CFAP206: variants seen among roughly 807,000 people sequenced by gnomAD.
The protein encoded by CFAP206 is cilia and flagella associated protein 206.
CFAP206 carries 53 observed loss-of-function variants against 65.4 expected under a neutral mutation model. The observed-to-expected ratio is 0.81, with a 90% CI of 0.65 to 1.02. The LOEUF (loss-of-function observed/expected upper bound fraction) is 1.02, where lower values mean the gene tolerates loss of function less well. Among genes scored for constraint, CFAP206 ranks in the 50% least tolerant of loss-of-function variants. CFAP206 has a pLI of 0.00. For missense variants in CFAP206, 663 were observed against 753.2 expected, an observed-to-expected ratio of 0.88 and a Z score of 1.40; for synonymous variants, 250 against 254.4, an observed-to-expected ratio of 0.98 and a Z score of 0.17.
chr6:87,445,116 ACTTT>A, intron 11 of CFAP206: 1 of 428,720 alleles, frequency 2.3e-6, no homozygotes. Flanking sequence ...AGTGGCAGCC[ACTTT>A]CTTATCATTT....
intron 4 of CFAP206, among the ~76,000 whole-genome samples, chr6:87,415,252 C>T (rs1767805201): frequency 6.6e-6 from 1 of 151,498 alleles, no homozygotes; most frequent in African/African-American, 2.4e-5. Context: ...ATTTCTGCTA[C>T]TATATATGCT....
intron 11 of CFAP206, chr6:87,444,582 G>A: frequency 3.2e-6 from 1 of 312,866 alleles, no homozygotes; most frequent in East Asian, 8.2e-5. Context: ...AGGCATTCCT[G>A]CCATTCCAGG....
At chr6:87,451,027 C>T (rs1239970770) in intron 11 of CFAP206, among the ~76,000 whole-genome samples, 3 of 152,154 alleles carry the variant, frequency 2.0e-5, no homozygotes, top group Non-Finnish European at 2.9e-5. Flanking sequence ...GGGCATTGTC[C>T]ATCTCAGCAG....
At chr6:87,422,321 G>C (rs1447165952) in intron 7 of CFAP206, among the ~76,000 whole-genome samples, 1 of 151,548 alleles carries the variant, frequency 6.6e-6, no homozygotes, top group African/African-American at 2.4e-5. Context: ...ATGGTGGTGC[G>C]AGCCTGTAAT....
rs1188864003 is a variant in CFAP206, at chr6:87,431,166, C to T, written c.1293C>T (p.Leu431=). Residue 431 remains leucine, a synonymous_variant, in exon 10 of 13, where the codon CTC becomes CTT. Coordinates refer to ENST00000369562, the MANE Select transcript of CFAP206 (RefSeq NM_001031743.3). The part of the protein sequence containing the change: ...AYTFAATDGL[L]LPGNPAIGIL... ...CGTTTGCTGCAACAGATGGTCTTCT[C>T]CTTCCAGGTATATCATTGGAAATGA... 1.2e-6 allele frequency: 2 copies of T among 1,613,480 alleles called. No homozygotes were observed. The highest frequency in any genetic ancestry group is 2.7e-5 in the African/African-American group (2 of 74,998).
chr6:87,409,479 C>G (rs546126356), intron 1 of CFAP206, among the ~76,000 whole-genome samples: 2 of 149,770 alleles, frequency 1.3e-5, no homozygotes, highest in Non-Finnish European at 3.0e-5. Context: ...TCCCAAAGTG[C>G]TGGGATTACA....
At position 87,409,914 on chromosome 6, in the gene CFAP206, A is replaced by G. The variant is rs1767703479; in HGVS notation, c.75A>G (p.Gly25=). 6.2e-7 allele frequency: 1 copy of G among 1,612,522 alleles called. No individual in the cohort carries two copies. Among genetic ancestry groups the G allele is most frequent in the Admixed American group, 1.7e-5 (1 of 59,816 alleles). ...REIGQECAAH[G]EIVSETLIAF... is the part of the protein sequence containing the mutation. ...TAGGACAAGAATGTGCAGCCCATGG[A>G]GAGATTGTTTCTGAAACTCTGATTG... The change falls in exon 2 of 13, where the codon GGA becomes GGG. Residue 25 remains glycine, a synonymous_variant. Transcript: ENST00000369562.
In CFAP206 at chr6:87,431,085, A is replaced by C. The variant is rs747517933; in HGVS notation, c.1212A>C (p.Glu404Asp). 6.2e-7 allele frequency: 1 copy of C among 1,614,066 alleles called. No individual in the cohort carries two copies. The highest frequency in any genetic ancestry group is 8.5e-7 in the Non-Finnish European group (1 of 1,179,930). The stretch of plus-strand genomic sequence containing the variant: ...GAAAACTAGAATGGCTTTTCCCAGA[A>C]ACAACAGCAAATTTTGATAAACTGT... Reference protein sequence around the residue: ...DFRKLEWLFPETTANFDKLLI... With the variant: ...DFRKLEWLFPDTTANFDKLLI... Residue 404 changes from glutamate to aspartate, a missense_variant, in exon 10 of 13, where the codon GAA becomes GAC. Physicochemically the swap from Glu to Asp is conservative, Grantham distance 45 (BLOSUM62 2). Coordinates refer to ENST00000369562, the MANE Select transcript of CFAP206 (RefSeq NM_001031743.3).
intron 12 of CFAP206, among the ~76,000 whole-genome samples, chr6:87,463,286 G>A (rs1009098391): frequency 7.2e-5 from 11 of 152,210 alleles, no homozygotes; most frequent in African/African-American, 2.4e-4. Flanking sequence ...GAATAGTAAA[G>A]TCATATTAAT....
At chr6:87,423,666 TAA>T (rs1295932250) in intron 7 of CFAP206, among the ~76,000 whole-genome samples, 1 of 152,224 alleles carries the variant, frequency 6.6e-6, no homozygotes, top group African/African-American at 2.4e-5. Context: ...GCATAAATCT[TAA>T]AAGACTTTAA....
intron 10 of CFAP206, 81 bp downstream of exon 10, chr6:87,431,254 C>T: frequency 7.5e-7 from 1 of 1,331,090 alleles, no homozygotes; most frequent in Non-Finnish European, 1.0e-6. Context: ...CTTGAATATT[C>T]ACTTTAAAAA....
At chr6:87,417,957 C>T (rs1767863713) in intron 6 of CFAP206, among the ~76,000 whole-genome samples, 2 of 151,900 alleles carry the variant, frequency 1.3e-5, no homozygotes, top group Admixed American at 6.6e-5. Context: ...CCAGGATGGT[C>T]TCAATCTCTT....
chr6:87,416,982 GTAGTGATTTT>G (rs1670825324), intron 6 of CFAP206, among the ~76,000 whole-genome samples, 155 bp downstream of exon 6: 2 of 152,262 alleles, frequency 1.3e-5, no homozygotes, highest in Admixed American at 6.5e-5. Flanking sequence ...TTTATAATGT[GTAGTGATTTT>G]TACTTTTGCT....
Position 87,416,205 on chromosome 6 carries a change from A to T in CFAP206, c.472+331A>T, listed in dbSNP as rs570412426. 2.6e-4 allele frequency among the ~76,000 whole-genome samples: 40 copies of T among 152,302 alleles called. No homozygotes were observed. The East Asian group carries it at 3.1e-3, about 12-fold the overall frequency. On this transcript the variant is annotated intron_variant, in intron 5 of 12. Coordinates refer to ENST00000369562, the MANE Select transcript of CFAP206 (RefSeq NM_001031743.3). The stretch of plus-strand genomic sequence containing the variant: ...GAGTAAATGGAAAAGCTGAAAACGG[A>T]TATTTCATATTGATGAAAGAAATTG...
At chr6:87,427,406 T>A (rs1023888667) in intron 8 of CFAP206, among the ~76,000 whole-genome samples, 3 of 152,240 alleles carry the variant, frequency 2.0e-5, no homozygotes, top group Non-Finnish European at 2.9e-5. Context: ...CCCAAAGTTC[T>A]GGGATTACAG....
At chr6:87,423,311 T>G (rs936102602) in intron 7 of CFAP206, among the ~76,000 whole-genome samples, 12 of 151,582 alleles carry the variant, frequency 7.9e-5, no homozygotes, top group East Asian at 1.9e-4. Flanking sequence ...TGCAGTGGCG[T>G]GATCTCCGCT....
intron 11 of CFAP206, among the ~76,000 whole-genome samples, chr6:87,447,479 T>C (rs1380675634): frequency 6.6e-6 from 1 of 152,224 alleles, no homozygotes; most frequent in Non-Finnish European, 1.5e-5. Context: ...GAATTACGTT[T>C]ATCGATTTGC....
Position 87,416,649 on chromosome 6 carries a change from T to C in CFAP206, c.473-20T>C. The C allele has an allele frequency of 6.4e-7, 1 of 1,554,092 alleles. No individual in the cohort carries two copies. The highest frequency in any genetic ancestry group is 8.7e-7 in the Non-Finnish European group (1 of 1,153,706). On this transcript the variant is annotated intron_variant, in intron 5 of 12. Coordinates refer to ENST00000369562, the MANE Select transcript of CFAP206 (RefSeq NM_001031743.3). ...TTCTATCATTTTGTTTTCCTTTTTT[T>C]TTTTTCTGGTTTATTTTAGCTGCTC...
intron 7 of CFAP206, among the ~76,000 whole-genome samples, chr6:87,420,230 TC>T (rs1192116173): frequency 1.3e-5 from 2 of 152,150 alleles, no homozygotes; most frequent in African/African-American, 2.4e-5. Flanking sequence ...TGCATGTGAG[TC>T]CACAGGAGTA....
Sources: gnomAD v4.1 joint callset for allele counts (sites outside exome capture counted in the v4.1 genomes callset) on GRCh38, gnomAD v4.1.1 for gene constraint, MANE v1.5 for transcripts, NCBI Gene and HGNC (gene_info 2026-07-23, HGNC 2026-07-21) for gene names.